The following UTP20 variants were observed in gnomAD, a reference collection of about 807,000 sequenced individuals.
UTP20 encodes UTP20 small subunit processome component.
A neutral mutation model predicts 329.5 loss-of-function variants in UTP20; 164 were observed. That is an observed-to-expected ratio of 0.50 (90% CI 0.44 to 0.57). UTP20 has a LOEUF of 0.57. Among genes scored for constraint, UTP20 ranks in the 20% least tolerant of loss-of-function variants. The pLI is 0.00. For missense variants in UTP20, 3,055 were observed against 3,284.2 expected (o/e 0.93, Z 1.71); for synonymous variants, 1,151 against 1,159.3 (o/e 0.99, Z 0.14).
chr12:101,368,104 G>A, intron 48 of UTP20, 128 bp downstream of exon 48: 2 of 692,006 alleles, frequency 2.9e-6, no homozygotes, highest in African/African-American at 1.8e-5. Flanking sequence ...TGTTTGGTTG[G>A]TGGGTTTTTT....
intron 54 of UTP20, among the ~76,000 whole-genome samples, 175 bp from the exon 55 acceptor site, chr12:101,374,633 C>T (rs1430089651): frequency 6.6e-6 from 1 of 152,048 alleles, no homozygotes; most frequent in African/African-American, 2.4e-5. Context: ...TAAAAATTTC[C>T]CCACATTTTG....
chr12:101,285,521 A>T (rs1448117746), intron 2 of UTP20, 49 bp from the exon 3 acceptor site: 2 of 1,560,560 alleles, frequency 1.3e-6, no homozygotes, highest in South Asian at 2.2e-5. Flanking sequence ...TACCTTGATC[A>T]TTGCTTTCTT....
intron 48 of UTP20, 36 bp downstream of exon 48, chr12:101,368,012 A>G (rs138589872): frequency 6.4e-6 from 9 of 1,395,526 alleles, no homozygotes; most frequent in Middle Eastern, 1.8e-4. Flanking sequence ...TGGAGCATTT[A>G]TTTCTTCAGA....
chr12:101,363,736 TA>T lies in UTP20; in HGVS notation c.5955del (p.Glu1986ArgfsTer9). On this transcript the variant is annotated frameshift_variant, in exon 45 of 62. Coordinates refer to ENST00000261637, the MANE Select transcript of UTP20 (RefSeq NM_014503.3). LOFTEE classifies it high-confidence loss of function. ...KDQVTKLILP[L>X]KEILQNTTSL... Reference sequence around the variant, plus strand: ...CAGGTTACAAAACTCATCCTTCCATTAAAAGAGGTAAGGACGTAAATGCAAT... The same window carrying T: ...CAGGTTACAAAACTCATCCTTCCATTAAAGAGGTAAGGACGTAAATGCAAT... The T allele has an allele frequency of 6.3e-7, 1 of 1,594,856 alleles. No homozygotes were observed. Among genetic ancestry groups the T allele is most frequent in the Non-Finnish European group, 8.6e-7 (1 of 1,162,712 alleles).
Position 101,373,567 on chromosome 12 carries a change from G to T in UTP20, c.6949-18G>T. ...GGAATTCCACTCTGAGTGCTCACAC[G>T]TGCCTCTTTTCTTTTAGGGGCTGCT... On this transcript the variant is annotated intron_variant, in intron 53 of 61. Transcript: ENST00000261637. 5 of 1,610,822 alleles carry T rather than the reference G, an allele frequency of 3.1e-6. No individual in the cohort carries two copies. The highest frequency in any genetic ancestry group is 4.2e-6 in the Non-Finnish European group (5 of 1,178,040).
rs144338772 is a variant in UTP20, at chr12:101,369,890, A to G, written c.6554A>G (p.Lys2185Arg). 6.2e-7 allele frequency: 1 copy of G among 1,613,398 alleles called. No individual in the cohort carries two copies. Among genetic ancestry groups the G allele is most frequent in the Non-Finnish European group, 8.5e-7 (1 of 1,179,786 alleles). The change falls in exon 49 of 62, where the codon AAG becomes AGG. Residue 2185 changes from lysine (K) to arginine (R), a missense_variant and splice_region_variant. Lys to Arg is a conservative substitution (Grantham distance 26). Around this residue, in one of 3 missense-constraint regions of UTP20, gnomAD observed 273 missense variants for 363.1 expected, o/e 0.75. Transcript: ENST00000261637. ...TTCCACCTTGTGGTCAATTGTTTCAAGGTGAGATGTCTTCACTTGCCCTTG... is the reference window on the plus strand; with the variant it reads ...TTCCACCTTGTGGTCAATTGTTTCAGGGTGAGATGTCTTCACTTGCCCTTG... ...QNFHLVVNCF[K>R]CVTILVKKVK...
At chr12:101,286,748 C>G (rs1291563184) in intron 5 of UTP20, among the ~76,000 whole-genome samples, 1 of 151,970 alleles carries the variant, frequency 6.6e-6, no homozygotes, top group Non-Finnish European at 1.5e-5. Context: ...CCTACAGCCT[C>G]CACAAACAGG....
intron 15 of UTP20, among the ~76,000 whole-genome samples, chr12:101,303,340 C>T (rs1872571799): frequency 6.6e-6 from 1 of 152,120 alleles, no homozygotes; most frequent in Non-Finnish European, 1.5e-5. Flanking sequence ...TTAGGAGGTG[C>T]TAAGTGCTGT....
chr12:101,305,928 G>T lies in UTP20; in HGVS notation c.1795G>T (p.Glu599Ter). ...ATCTCGTTGCAGAACCTTTCCCCTGGAGCCATCTGTGTTGCTGTTGACTGA... is the reference window on the plus strand; with the variant it reads ...ATCTCGTTGCAGAACCTTTCCCCTGTAGCCATCTGTGTTGCTGTTGACTGA... ...VKNLVLTFPL[E>*]PSVLLLTDLY... The change falls in exon 16 of 62, where the codon GAG (glutamate) becomes TAG (stop). Residue 599 changes from glutamate (E) to a stop codon, truncating the protein, a stop_gained. Coordinates refer to ENST00000261637, the MANE Select transcript of UTP20 (RefSeq NM_014503.3). LOFTEE classifies it high-confidence loss of function. 1 of 1,605,158 alleles carries T rather than the reference G, an allele frequency of 6.2e-7. No homozygotes were observed.
In UTP20 at chr12:101,281,349, T is replaced by A. The variant is rs535825729; in HGVS notation, c.126+153T>A. Among the ~76,000 whole-genome samples the A allele has an allele frequency of 3.3e-5, 5 of 152,336 alleles. No homozygotes were observed. In the South Asian group the frequency reaches 8.3e-4, roughly 25 times the overall value. On this transcript the variant is annotated intron_variant, in intron 2 of 61. Transcript: ENST00000261637. ...CATACAGTAGCCACATATGACAAAT[T>A]GGATTTAAAGTAAATTAAAAATTTG...
In UTP20 at chr12:101,333,970, A is replaced by G. The variant is rs574882149; in HGVS notation, c.3562-455A>G. Among the ~76,000 whole-genome samples, 9 of 152,266 alleles carry G rather than the reference A, an allele frequency of 5.9e-5. No individual in the cohort carries two copies. In the South Asian group the frequency reaches 1.7e-3, roughly 28 times the overall value. On this transcript the variant is annotated intron_variant, in intron 28 of 61. Transcript: ENST00000261637. ...TGAGCCACTGTGCCCGGCCTGTAAC[A>G]TGACTTTTATAGCACCTCACATAGC...
At chr12:101,309,545 G>T (rs1872725019) in intron 18 of UTP20, among the ~76,000 whole-genome samples, 3 of 152,348 alleles carry the variant, frequency 2.0e-5, no homozygotes, top group Admixed American at 6.5e-5. Context: ...TATGTTTGCT[G>T]TAGCGATTCT....
chr12:101,344,785 A>C, intron 36 of UTP20, 35 bp downstream of exon 36: 2 of 1,593,780 alleles, frequency 1.3e-6, no homozygotes, highest in Non-Finnish European at 1.7e-6. Flanking sequence ...CTACTGTCTG[A>C]GGCTGTGTTT....
At chr12:101,351,960 C>T in intron 38 of UTP20, 95 bp from the exon 39 acceptor site, 1 of 1,434,526 alleles carries the variant, frequency 7.0e-7, no homozygotes, top group South Asian at 1.2e-5. Context: ...TCTGTAATTA[C>T]TGAGAACTTA....
At chr12:101,310,813 T>C (rs1475991665) in intron 19 of UTP20, among the ~76,000 whole-genome samples, 2 of 152,166 alleles carry the variant, frequency 1.3e-5, no homozygotes, top group African/African-American at 4.8e-5. Context: ...TGTCTACCTT[T>C]ACTACCCTTG....
intron 23 of UTP20, among the ~76,000 whole-genome samples, chr12:101,319,881 G>A (rs1044108201): frequency 6.6e-6 from 1 of 152,118 alleles, no homozygotes; most frequent in African/African-American, 2.4e-5. Flanking sequence ...TGTGTCAACA[G>A]TGAGAATAGC....
At chr12:101,319,331 T>C (rs537616141) in intron 22 of UTP20, among the ~76,000 whole-genome samples, 4 of 152,340 alleles carry the variant, frequency 2.6e-5, no homozygotes, top group Non-Finnish European at 5.9e-5. Flanking sequence ...TTTTTTGGTG[T>C]GGAGAACCTG....
intron 29 of UTP20, among the ~76,000 whole-genome samples, chr12:101,337,711 A>C (rs1868977695): frequency 6.6e-6 from 1 of 152,256 alleles, no homozygotes; most frequent in Non-Finnish European, 1.5e-5. Context: ...AAGAGCTTAG[A>C]CATTGGAATT....
At chr12:101,357,469 G>A (rs1446838525) in intron 43 of UTP20, among the ~76,000 whole-genome samples, 1 of 152,094 alleles carries the variant, frequency 6.6e-6, no homozygotes, top group Non-Finnish European at 1.5e-5. Context: ...CAAAATAAGG[G>A]GCTGGGTGCA....
Sources: allele counts gnomAD v4.1 joint callset (sites outside exome capture counted in the v4.1 genomes callset), GRCh38; gene constraint gnomAD v4.1.1; regional missense constraint gnomAD v4.1.1; transcripts MANE v1.5; gene names NCBI Gene and HGNC (gene_info 2026-07-23, HGNC 2026-07-21).